Variants in ADAP2 observed in about 807,000 individuals in gnomAD.
ADAP2 encodes the protein arf-GAP with dual PH domain-containing protein 2.
In ADAP2, 42 loss-of-function variants were observed where a neutral mutation model predicts 54.9. That is an observed-to-expected ratio of 0.77 (90% CI 0.60 to 0.99). The LOEUF (loss-of-function observed/expected upper bound fraction) is 0.99, where lower values mean the gene tolerates loss of function less well. ADAP2 is among the 50% of genes least tolerant of loss of function. The pLI is 0.00. For missense variants in ADAP2, 429 were observed against 480.4 expected (o/e 0.89, Z 1.00); for synonymous variants, 177 against 180.1 (o/e 0.98, Z 0.14).
At chr17:30,950,974 A>G (rs1253486331) in intron 7 of ADAP2, among the ~76,000 whole-genome samples, 1 of 152,184 alleles carries the variant, frequency 6.6e-6, no homozygotes, top group African/African-American at 2.4e-5. Flanking sequence ...TGCCTCTCTC[A>G]TCCACTGTCG....
intron 5 of ADAP2, among the ~76,000 whole-genome samples, chr17:30,943,930 C>G (rs1912465682): frequency 6.6e-6 from 1 of 151,968 alleles, no homozygotes. Context: ...GTGGCTCATG[C>G]CTGTAATCCC....
Position 30,923,693 on chromosome 17 carries a change from CTTTTTTT to C in ADAP2, c.225+641_225+647del, listed in dbSNP as rs1013811428. Among the ~76,000 whole-genome samples, 321 of 92,416 alleles carry C rather than the reference CTTTTTTT, an allele frequency of 3.5e-3. 1 individual carries two copies. The highest frequency in any genetic ancestry group is 4.1e-3 in the South Asian group (11 of 2,702). The allele number at this position is 92,416 out of a possible 152,430, so 60.6% of individuals were successfully genotyped here. ...ACCATTTCTCTTTTTTTCTTTCTTC[CTTTTTTT>C]TTTTTTTTTTTTTTTTTGAGACGGA... On this transcript the variant is annotated intron_variant, in intron 2 of 10. Transcript: ENST00000330889.
Position 30,954,472 on chromosome 17 carries a change from T to C in ADAP2, c.805-6T>C, listed in dbSNP as rs1378714344. ...CATCTGTGGTAAGAAGTTCCCTCTTTTGCAGCAGAAAGAACCTTTCAAGAA... is the reference window on the plus strand; with the variant it reads ...CATCTGTGGTAAGAAGTTCCCTCTTCTGCAGCAGAAAGAACCTTTCAAGAA... On this transcript the variant is annotated splice_polypyrimidine_tract_variant and splice_region_variant and intron_variant, in intron 8 of 10. Coordinates refer to ENST00000330889, the MANE Select transcript of ADAP2 (RefSeq NM_018404.3). The C allele has an allele frequency of 6.2e-7, 1 of 1,613,878 alleles. No individual in the cohort carries two copies. The highest frequency in any genetic ancestry group is 1.1e-5 in the South Asian group (1 of 91,084).
chr17:30,949,523 C>T (rs943626788), intron 7 of ADAP2, among the ~76,000 whole-genome samples, 153 bp downstream of exon 7: 12 of 151,768 alleles, frequency 7.9e-5, no homozygotes, highest in African/African-American at 1.7e-4. Flanking sequence ...CTGAGGCGGG[C>T]GGATCACAAG....
At position 30,958,102 on chromosome 17, in the gene ADAP2, TCC is replaced by T. The variant is rs1905201943; in HGVS notation, c.*237_*238del. The stretch of plus-strand genomic sequence containing the variant: ...GCATAGATGAACATCTATCCCCTCC[TCC>T]CCCATACACACCTAGGCTTGAAATG... On this transcript the variant is annotated 3_prime_UTR_variant, in exon 11 of 11. Transcript: ENST00000330889. The T allele has an allele frequency of 1.7e-6, 1 of 571,846 alleles. No individual in the cohort carries two copies. The highest frequency in any genetic ancestry group is 2.0e-5 in the South Asian group (1 of 49,112). 35.4% of individuals were successfully genotyped at this position (571,846 alleles called of 1,614,324 possible). A position where few individuals can be genotyped will look rare whatever the true frequency, so the allele number is the denominator to read the frequency against.
intron 6 of ADAP2, among the ~76,000 whole-genome samples, chr17:30,946,103 C>T (rs1418766758): frequency 2.7e-5 from 4 of 150,726 alleles, no homozygotes; most frequent in African/African-American, 9.7e-5. Context: ...TGCAGTGAGC[C>T]GAGATGGCGC....
At chr17:30,941,039 T>C (rs987539770) in intron 5 of ADAP2, among the ~76,000 whole-genome samples, 1 of 152,224 alleles carries the variant, frequency 6.6e-6, no homozygotes, top group Non-Finnish European at 1.5e-5. Context: ...TCATCTCCTG[T>C]TACAGTTCTT....
chr17:30,923,395 G>T (rs149264901), intron 2 of ADAP2, among the ~76,000 whole-genome samples: 1,798 of 151,780 alleles, frequency 0.012, 44 homozygotes, highest in African/African-American at 0.042. Flanking sequence ...TTCTCAAGCA[G>T]CTGGGATTAC....
intron 7 of ADAP2, 44 bp downstream of exon 7, chr17:30,949,414 A>G (rs1291941886): frequency 3.2e-6 from 5 of 1,555,428 alleles, no homozygotes; most frequent in South Asian, 1.1e-5. Context: ...CCTCTTGGCC[A>G]TCTCCTTCTT....
intron 5 of ADAP2, among the ~76,000 whole-genome samples, chr17:30,935,156 C>T (rs556233570): frequency 4.6e-5 from 7 of 152,094 alleles, no homozygotes; most frequent in Non-Finnish European, 8.8e-5. Context: ...CACTTGAGGT[C>T]GGGAGTTTGA....
chr17:30,929,306 C>A (rs1911306393), intron 3 of ADAP2, among the ~76,000 whole-genome samples: 1 of 152,218 alleles, frequency 6.6e-6, no homozygotes, highest in Non-Finnish European at 1.5e-5. Context: ...GGGTTTGAAT[C>A]CATTTCACTG....
At chr17:30,954,218 G>T (rs1904889888) in intron 8 of ADAP2, 1 of 357,190 alleles carries the variant, frequency 2.8e-6, no homozygotes, top group Non-Finnish European at 5.2e-6. Flanking sequence ...AAAAGAGGAA[G>T]GTGCCTCTTC....
chr17:30,949,592 C>CA (rs1160988219), intron 7 of ADAP2, among the ~76,000 whole-genome samples: 14 of 151,552 alleles, frequency 9.2e-5, no homozygotes, highest in African/African-American at 3.4e-4. Context: ...ACTAAAAATA[C>CA]AAAAAAATTA....
At chr17:30,932,024 C>T in intron 4 of ADAP2, 56 bp downstream of exon 4, 1 of 1,524,572 alleles carries the variant, frequency 6.6e-7, no homozygotes, top group African/African-American at 1.4e-5. Flanking sequence ...TCTAGAAAAA[C>T]CAAGTGCCTA....
chr17:30,943,398 G>T (rs1229581687), intron 5 of ADAP2, among the ~76,000 whole-genome samples: 1 of 151,440 alleles, frequency 6.6e-6, no homozygotes, highest in Admixed American at 6.6e-5. Context: ...AAAGAAAAAA[G>T]AAAGAATTCT....
intron 7 of ADAP2, among the ~76,000 whole-genome samples, chr17:30,952,838 C>T (rs1904775648): frequency 6.6e-6 from 1 of 152,164 alleles, no homozygotes; most frequent in African/African-American, 2.4e-5. Context: ...GCTCTTTGTG[C>T]TACCAGTGAT....
intron 5 of ADAP2, among the ~76,000 whole-genome samples, chr17:30,934,582 C>T (rs1286310555): frequency 6.6e-6 from 1 of 152,124 alleles, no homozygotes; most frequent in Non-Finnish European, 1.5e-5. Flanking sequence ...TATTGAGTAC[C>T]TACTGTGTGC....
intron 5 of ADAP2, among the ~76,000 whole-genome samples, chr17:30,934,783 C>A (rs1252109945): frequency 6.6e-6 from 1 of 152,216 alleles, no homozygotes; most frequent in Non-Finnish European, 1.5e-5. Context: ...ATAATCCCAG[C>A]ACTTTAGTAA....
chr17:30,945,997 C>CA (rs1310515640), intron 6 of ADAP2, among the ~76,000 whole-genome samples: 5 of 150,568 alleles, frequency 3.3e-5, no homozygotes, highest in East Asian at 4.0e-4. Context: ...ACTAAAAATA[C>CA]AAAAAAAATT....
Sources: allele counts gnomAD v4.1 joint callset (sites outside exome capture counted in the v4.1 genomes callset), GRCh38; gene constraint gnomAD v4.1.1; transcripts MANE v1.5; gene names NCBI Gene and HGNC (gene_info 2026-07-23, HGNC 2026-07-21).